LIN7A: variants seen among roughly 807,000 people sequenced by gnomAD.
LIN7A encodes lin-7 cell polarity scaffold A, also known as protein lin-7 homolog A.
A neutral mutation model predicts 29.8 loss-of-function variants in LIN7A; 25 were observed. The observed-to-expected ratio is 0.84, with a 90% CI of 0.61 to 1.17. The LOEUF (loss-of-function observed/expected upper bound fraction) is 1.17. LIN7A is among the 50% of genes most tolerant of loss of function. The probability of loss-of-function intolerance (pLI) is 0.00; values close to 1 mark genes in which losing one functional copy is unlikely to be tolerated. For missense variants in LIN7A, 239 were observed against 287.0 expected, an observed-to-expected ratio of 0.83 and a Z score of 1.21; for synonymous variants, 118 against 107.5, an observed-to-expected ratio of 1.10 and a Z score of -0.60.
intron 1 of LIN7A, among the ~76,000 whole-genome samples, chr12:80,932,765 C>T (rs1382115779): frequency 6.6e-6 from 1 of 152,210 alleles, no homozygotes; most frequent in Admixed American, 6.5e-5. Flanking sequence ...AGCTACCATA[C>T]TTTAGAAAGT....
rs1870402286 is a variant in LIN7A, at chr12:80,795,459, A to C, written c.*2268T>G. On this transcript the variant is annotated 3_prime_UTR_variant, in exon 6 of 6. Coordinates refer to ENST00000552864, the MANE Select transcript of LIN7A (RefSeq NM_004664.4). Reference sequence around the variant, plus strand: ...TTAACCAAATGAAGCATAAATACAAAGGTTTCTAGAAAACACAAATGTAAA... The same window carrying C: ...TTAACCAAATGAAGCATAAATACAACGGTTTCTAGAAAACACAAATGTAAA... 6.6e-6 allele frequency: 1 copy of C among 152,088 alleles called. No individual in the cohort carries two copies. Among genetic ancestry groups the C allele is most frequent in the Non-Finnish European group, 1.5e-5 (1 of 67,990 alleles). 9.4% of individuals were successfully genotyped at this position (152,088 alleles called of 1,614,324 possible). A position where few individuals can be genotyped will look rare whatever the true frequency, so the allele number is the denominator to read the frequency against.
intron 4 of LIN7A, among the ~76,000 whole-genome samples, chr12:80,844,577 A>C (rs75399076): frequency 0.099 from 15,008 of 152,196 alleles, 796 homozygotes; most frequent in East Asian, 0.19. Context: ...TAAAATCCTT[A>C]AGTTCTTAGA....
At chr12:80,827,245 G>A (rs1297486722) in intron 4 of LIN7A, among the ~76,000 whole-genome samples, 1 of 151,952 alleles carries the variant, frequency 6.6e-6, no homozygotes, top group Admixed American at 6.5e-5. Context: ...AAATTAGCTG[G>A]GCGTGGTGGT....
chr12:80,811,722 A>G, intron 4 of LIN7A, 39 bp from the exon 5 acceptor site: 1 of 1,577,764 alleles, frequency 6.3e-7, no homozygotes, highest in Non-Finnish European at 8.7e-7. Context: ...GAGGAGGTTC[A>G]ATGTTCTTTT....
At chr12:80,894,683 C>A (rs945176595) in intron 1 of LIN7A, among the ~76,000 whole-genome samples, 33 of 152,040 alleles carry the variant, frequency 2.2e-4, no homozygotes, top group African/African-American at 8.0e-4. Flanking sequence ...TTTTTTAGTA[C>A]TCATCTCAGA....
At chr12:80,873,422 A>C (rs939160713) in intron 2 of LIN7A, among the ~76,000 whole-genome samples, 1 of 151,688 alleles carries the variant, frequency 6.6e-6, no homozygotes, top group Admixed American at 6.6e-5. Flanking sequence ...AGTTCTAACT[A>C]CTCAGGAGGC....
chr12:80,889,182 T>C, intron 2 of LIN7A, 69 bp downstream of exon 2: 1 of 848,402 alleles, frequency 1.2e-6, no homozygotes, highest in African/African-American at 1.7e-5. Flanking sequence ...ACTGTTTGTG[T>C]AGAGAAGACA....
At chr12:80,902,699 G>T (rs1876286896) in intron 1 of LIN7A, among the ~76,000 whole-genome samples, 1 of 151,996 alleles carries the variant, frequency 6.6e-6, no homozygotes, top group Non-Finnish European at 1.5e-5. Context: ...ACTGGTTTTT[G>T]TACATTGACT....
At chr12:80,827,579 T>C (rs1028858528) in intron 4 of LIN7A, among the ~76,000 whole-genome samples, 6 of 152,306 alleles carry the variant, frequency 3.9e-5, no homozygotes, top group Admixed American at 3.9e-4. Flanking sequence ...GCACTTCCCA[T>C]GTACAGGCAG....
chr12:80,858,920 T>C (rs1291803302), intron 2 of LIN7A, among the ~76,000 whole-genome samples: 2 of 152,188 alleles, frequency 1.3e-5, no homozygotes, highest in Admixed American at 6.5e-5. Context: ...CAATTAGGGA[T>C]ACATTGTCAT....
In LIN7A at chr12:80,927,881, G is replaced by A. The variant is rs866286013; in HGVS notation, c.82+9760C>T. 3.6e-4 allele frequency among the ~76,000 whole-genome samples: 55 copies of A among 151,982 alleles called. No homozygotes were observed. The Middle Eastern group carries it at 0.014, about 38-fold the overall frequency. On this transcript the variant is annotated intron_variant, in intron 1 of 5. Coordinates refer to ENST00000552864, the MANE Select transcript of LIN7A (RefSeq NM_004664.4). ...CATCCCCCCACCTCCCCACAGGCCT[G>A]GCTGTGTGATGTTCCCCACCCTGTG...
chr12:80,865,127 G>A (rs1650253912), intron 2 of LIN7A, among the ~76,000 whole-genome samples: 1 of 152,074 alleles, frequency 6.6e-6, no homozygotes, highest in African/African-American at 2.4e-5. Context: ...CTGTTTCAAA[G>A]TTTATGGTGT....
Position 80,904,850 on chromosome 12 carries a change from T to C in LIN7A, c.83-15481A>G, listed in dbSNP as rs562922324. Among the ~76,000 whole-genome samples, 26 of 152,338 alleles carry C rather than the reference T, an allele frequency of 1.7e-4. No individual in the cohort carries two copies. In the South Asian group the frequency reaches 5.4e-3, roughly 32 times the overall value. On this transcript the variant is annotated intron_variant, in intron 1 of 5. Coordinates refer to ENST00000552864, the MANE Select transcript of LIN7A (RefSeq NM_004664.4). ...ATACATGTAGCTGAAGGTAATTTTA[T>C]GCAATATTTTTAATAGTTTTGTGCA...
At chr12:80,931,056 C>T (rs1470811658) in intron 1 of LIN7A, among the ~76,000 whole-genome samples, 1 of 152,200 alleles carries the variant, frequency 6.6e-6, no homozygotes, top group Non-Finnish European at 1.5e-5. Context: ...CAAAGAGATA[C>T]TGGCATTGTG....
intron 5 of LIN7A, among the ~76,000 whole-genome samples, chr12:80,800,025 T>C (rs1870638841): frequency 6.6e-6 from 1 of 152,116 alleles, no homozygotes; most frequent in South Asian, 2.1e-4. Context: ...AATAAACTTC[T>C]AGCCAAGCTA....
intron 5 of LIN7A, among the ~76,000 whole-genome samples, chr12:80,806,391 ATT>A (rs1314625025): frequency 6.6e-6 from 1 of 152,192 alleles, no homozygotes. Context: ...AAGACTATTG[ATT>A]TTTACTTTAA....
chr12:80,865,253 C>CA (rs1159413520), intron 2 of LIN7A, among the ~76,000 whole-genome samples: 4 of 152,026 alleles, frequency 2.6e-5, no homozygotes, highest in Non-Finnish European at 5.9e-5. Context: ...CTGTGTATTA[C>CA]AAAATTAAAG....
At chr12:80,927,285 C>T (rs1877653529) in intron 1 of LIN7A, among the ~76,000 whole-genome samples, 1 of 151,396 alleles carries the variant, frequency 6.6e-6, no homozygotes, top group Non-Finnish European at 1.5e-5. Flanking sequence ...CCTCAGCCTC[C>T]CGAGTAGCTG....
intron 1 of LIN7A, among the ~76,000 whole-genome samples, chr12:80,923,183 T>C (rs1877404418): frequency 6.6e-6 from 1 of 152,172 alleles, no homozygotes; most frequent in Admixed American, 6.5e-5. Flanking sequence ...TCTTCTTTTG[T>C]CCTTGGACGT....
Sources: gnomAD v4.1 joint callset for allele counts (sites outside exome capture counted in the v4.1 genomes callset) on GRCh38, gnomAD v4.1.1 for gene constraint, MANE v1.5 for transcripts, NCBI Gene and HGNC (gene_info 2026-07-23, HGNC 2026-07-21) for gene names.